The following SLC4A2 variants were observed in gnomAD, a reference collection of about 807,000 sequenced individuals.
SLC4A2 encodes the protein anion exchange protein 2.
Under a neutral mutation model 115.0 loss-of-function variants are expected in SLC4A2, and 36 were observed. The observed-to-expected ratio is 0.31, with a 90% CI of 0.24 to 0.41. The LOEUF (loss-of-function observed/expected upper bound fraction) is 0.41, where lower values mean the gene tolerates loss of function less well. Among genes scored for constraint, SLC4A2 ranks in the 10% least tolerant of loss-of-function variants. The pLI is 1.00. For synonymous variants in SLC4A2, 708 were observed against 708.3 expected (o/e 1.00, Z 0.01); for missense variants, 1,252 against 1,705.6 (o/e 0.73, Z 4.68).
intron 2 of SLC4A2, among the ~76,000 whole-genome samples, chr7:151,063,726 C>A (rs1797133329): frequency 6.6e-6 from 1 of 150,810 alleles, no homozygotes; most frequent in African/African-American, 2.4e-5. Flanking sequence ...TATTTGTTTC[C>A]TTTTTTTTTG....
In SLC4A2 at chr7:151,062,470, T is replaced by A. The variant is rs1797082561; in HGVS notation, c.51+432T>A. ...AGGCCCGCCCCTCCCTGCCCCCACG[T>A]GGCCACCGCTCCACATGGCCCCCTT... On this transcript the variant is annotated intron_variant, in intron 2 of 22. Coordinates refer to ENST00000413384, the MANE Select transcript of SLC4A2 (RefSeq NM_003040.4). 1.1e-5 allele frequency: 13 copies of A among 1,137,204 alleles called. No individual in the cohort carries two copies. The East Asian group carries it at 4.1e-4, about 35-fold the overall frequency. The allele number at this position is 1,137,204 out of a possible 1,614,324, so 70.4% of individuals were successfully genotyped here.
Position 151,061,963 on chromosome 7 carries a change from C to G in SLC4A2, c.-25C>G, listed in dbSNP as rs1797061661. On this transcript the variant is annotated 5_prime_UTR_variant, in exon 2 of 23. Transcript: ENST00000413384. ...CTCGTTGCCCTGAAAGCCGCAGCGA[C>G]AGCGAAAAGGGCTAAGATTCGGCCA... 1 of 1,607,914 alleles carries G rather than the reference C, an allele frequency of 6.2e-7. No homozygotes were observed. Among genetic ancestry groups the G allele is most frequent in the Admixed American group, 1.7e-5 (1 of 59,764 alleles).
rs1282527078 is a variant in SLC4A2 at position 151,064,559 on chromosome 7, C to T, written c.251C>T (p.Pro84Leu). 2 of 1,612,004 alleles carry T rather than the reference C, an allele frequency of 1.2e-6. No homozygotes were observed. The highest frequency in any genetic ancestry group is 3.3e-5 in the Admixed American group (2 of 59,980). The stretch of plus-strand genomic sequence containing the variant: ...CAGTCCTCCCACCACATCCATCACC[C>T]ACTGTCCACCCACCTGCCTCCGGAT... ...HRQSSHHIHH[P>L]LSTHLPPDAR... The change falls in exon 4 of 23, where the codon CCA becomes CTA. Residue 84 changes from proline (P) to leucine (L), a missense_variant. Around this residue, in one of 14 missense-constraint regions of SLC4A2, gnomAD observed 10 missense variants for 39.3 expected, o/e 0.25. Coordinates refer to ENST00000413384, the MANE Select transcript of SLC4A2 (RefSeq NM_003040.4).
chr7:151,069,849 C>A (rs1054758732), intron 8 of SLC4A2, 98 bp from the exon 9 acceptor site: 1 of 1,464,664 alleles, frequency 6.8e-7, no homozygotes, highest in Non-Finnish European at 9.5e-7. Context: ...CCAGCCCCGG[C>A]ACCCACCCAC....
In SLC4A2 at chr7:151,063,094, G is replaced by T. The variant is rs1466859806; in HGVS notation, c.51+1056G>T. ...GGCTGGACCAAGGCTGCCTGGCCAG[G>T]CGGCTGCCGCTTAGCTGGGCTGAGC... On this transcript the variant is annotated intron_variant, in intron 2 of 22. Coordinates refer to ENST00000413384, the MANE Select transcript of SLC4A2 (RefSeq NM_003040.4). 3.9e-6 allele frequency: 6 copies of T among 1,523,848 alleles called. No homozygotes were observed. In the East Asian group the frequency reaches 1.0e-4, roughly 26 times the overall value. 94.4% of individuals were successfully genotyped at this position (1,523,848 alleles called of 1,614,324 possible).
Position 151,071,296 on chromosome 7 carries a change from G to A in SLC4A2, c.1974G>A (p.Lys658=). Residue 658 remains lysine (K), a splice_region_variant and synonymous_variant, in exon 13 of 23, where the codon AAG becomes AAA. Transcript: ENST00000413384. The surrounding 1 kb of genome is among the most constrained non-coding windows in gnomAD (Gnocchi z 5.5). ...TGGAGCCCAAATCTGCCCAAGATAA[G>A]GGTACGGCCAGGGCGGGCTGGGGCC... The part of the protein sequence containing the change: ...AGLEPKSAQD[K]ALLQMVEAAG... The A allele has an allele frequency of 6.4e-7, 1 of 1,551,832 alleles. No homozygotes were observed. Among genetic ancestry groups the A allele is most frequent in the Non-Finnish European group, 8.7e-7 (1 of 1,149,828 alleles).
intron 2 of SLC4A2, among the ~76,000 whole-genome samples, chr7:151,062,345 G>A (rs1246580095): frequency 6.6e-6 from 1 of 152,152 alleles, no homozygotes; most frequent in Admixed American, 6.5e-5. Context: ...TCTCAGACCC[G>A]GCTGGCCTTA....
chr7:151,071,530 C>T lies in SLC4A2; in HGVS notation c.2116C>T (p.Pro706Ser). Residue 706 changes from proline (P) to serine (S), a missense_variant, in exon 14 of 23, where the codon CCT (proline) becomes TCT (serine). By Grantham distance (74) the Pro-to-Ser change is moderately conservative. Around this residue, in one of 14 missense-constraint regions of SLC4A2, gnomAD observed 118 missense variants for 203.3 expected, o/e 0.58. Transcript: ENST00000413384. This position sits in a 1 kb window ranked among gnomAD's most constrained non-coding sequence, Gnocchi z 5.5. The stretch of plus-strand genomic sequence containing the variant: ...GAGTGACTTCCGAGATGCACTTGAC[C>T]CTCAGTGCCTGGCCGCAGTCATCTT... ...YLSDFRDALDPQCLAAVIFIY... is the reference protein window; with the variant it reads ...YLSDFRDALDSQCLAAVIFIY... The T allele has an allele frequency of 6.2e-7, 1 of 1,613,990 alleles. No individual in the cohort carries two copies. The highest frequency in any genetic ancestry group is 1.6e-4 in the Middle Eastern group (1 of 6,062).
intron 2 of SLC4A2, 88 bp from the exon 3 acceptor site, chr7:151,064,114 C>G: frequency 7.1e-7 from 1 of 1,406,146 alleles, no homozygotes; most frequent in Non-Finnish European, 9.9e-7. Context: ...GGGAGGGTTC[C>G]TGGGTCTCTG....
At chr7:151,073,077 C>T (rs1797495176) in intron 16 of SLC4A2, among the ~76,000 whole-genome samples, 1 of 152,136 alleles carries the variant, frequency 6.6e-6, no homozygotes, top group African/African-American at 2.4e-5. Flanking sequence ...GCCTCAGCCA[C>T]CCTAATAGCT....
At chr7:151,069,598 G>C (rs1224266896) in intron 8 of SLC4A2, among the ~76,000 whole-genome samples, 1 of 152,204 alleles carries the variant, frequency 6.6e-6, no homozygotes, top group Non-Finnish European at 1.5e-5. Flanking sequence ...TAACAGCCAA[G>C]AGGGTTCAGC....
rs770793323 is a variant in SLC4A2, at chr7:151,069,954, G to A, written c.1155G>A (p.Val385=). Residue 385 remains valine (V), a synonymous_variant, in exon 9 of 23, where the codon GTG becomes GTA. Coordinates refer to ENST00000413384, the MANE Select transcript of SLC4A2 (RefSeq NM_003040.4). ...ELRRTLAHGA[V]LLDLDQQTLP... is the part of the protein sequence containing the mutation. ...TGTGCCATCTTATGCTAGGGGCTGT[G>A]CTCTTGGATCTGGACCAGCAGACCC... The A allele has an allele frequency of 1.9e-6, 3 of 1,613,958 alleles. No individual in the cohort carries two copies. In the East Asian group the frequency reaches 6.7e-5, roughly 36 times the overall value.
At chr7:151,063,195 G>A in intron 2 of SLC4A2, 1 of 1,440,742 alleles carries the variant, frequency 6.9e-7, no homozygotes, top group Non-Finnish European at 9.1e-7. Flanking sequence ...CTCAGGTGGG[G>A]GCTGTGGGGG....
chr7:151,062,723 T>A (rs1186371718), intron 2 of SLC4A2: 4 of 1,413,470 alleles, frequency 2.8e-6, no homozygotes, highest in Non-Finnish European at 3.7e-6. Context: ...CCTCTCCCCG[T>A]CCCCTCGTCC....
rs772364528 is a variant in SLC4A2, at chr7:151,070,203, T to G, written c.1306T>G (p.Phe436Val). 1.2e-6 allele frequency: 2 copies of G among 1,614,136 alleles called. No individual in the cohort carries two copies. The highest frequency in any genetic ancestry group is 1.1e-5 in the South Asian group (1 of 91,082). Residue 436 changes from phenylalanine (F) to valine (V), a missense_variant, in exon 10 of 23, where the codon TTC becomes GTC. Around this residue, in one of 14 missense-constraint regions of SLC4A2, gnomAD observed 142 missense variants for 153.5 expected, o/e 0.93. Coordinates refer to ENST00000413384, the MANE Select transcript of SLC4A2 (RefSeq NM_003040.4). ...CAGCCACCCAAGTGATGAGAAGGAC[T>G]TCTCCTTCCCCCGCAACATCTCAGC... ...KHSHPSDEKD[F>V]SFPRNISAGS...
At chr7:151,073,985 A>G in intron 16 of SLC4A2, 54 bp from the exon 17 acceptor site, 1 of 1,510,574 alleles carries the variant, frequency 6.6e-7, no homozygotes, top group South Asian at 1.3e-5. Context: ...ACTGAGCCCC[A>G]GGAATCTTTT....
chr7:151,067,047 T>G, intron 7 of SLC4A2, 54 bp downstream of exon 7: 4 of 1,502,018 alleles, frequency 2.7e-6, no homozygotes, highest in Non-Finnish European at 3.6e-6. Context: ...ACCCTGCCCC[T>G]ACCTCTCAGA....
chr7:151,062,102 C>T (rs1797068592), intron 2 of SLC4A2, 64 bp downstream of exon 2: 1 of 1,414,620 alleles, frequency 7.1e-7, no homozygotes, highest in Non-Finnish European at 9.8e-7. Flanking sequence ...GGTGCTCCGG[C>T]CAAGGGTCCT....
upstream of SLC4A2, chr7:151,059,515 C>CGCCCCCGCCCCG (rs1336379637): frequency 3.7e-5 from 5 of 136,530 alleles, no homozygotes. The surrounding 1 kb of genome is among the most constrained non-coding windows in gnomAD (Gnocchi z 5.8). Flanking sequence ...CCTGGAAGCG[C>CGCCCCCGCCCCG]GCCCCCGCCC....
Sources: gnomAD v4.1 joint callset for allele counts (sites outside exome capture counted in the v4.1 genomes callset) on GRCh38, gnomAD v4.1.1 for gene constraint, gnomAD v4.1.1 regional missense constraint, Gnocchi (gnomAD v3.1) non-coding constraint, MANE v1.5 for transcripts, NCBI Gene and HGNC (gene_info 2026-07-23, HGNC 2026-07-21) for gene names.